CACNA1C: variants seen among roughly 807,000 people sequenced by gnomAD.
The protein encoded by CACNA1C is voltage-dependent L-type calcium channel subunit alpha-1C.
CACNA1C carries 30 observed loss-of-function variants against 229.0 expected under a neutral mutation model. The observed-to-expected ratio is 0.13, with a 90% CI of 0.10 to 0.18. The LOEUF is 0.18. CACNA1C is among the 10% of genes least tolerant of loss of function. CACNA1C has a pLI of 1.00. For synonymous variants in CACNA1C, 1,114 were observed against 1,132.5 expected (o/e 0.98, Z 0.33); for missense variants, 1,658 against 2,845.0 (o/e 0.58, Z 9.49).
At position 2,646,789 on chromosome 12, in the gene CACNA1C, A is replaced by AGAGAGAGT. The variant is rs552049239; in HGVS notation, c.3913-1685_3913-1684insAGAGAGTG. Among the ~76,000 whole-genome samples the AGAGAGAGT allele has an allele frequency of 2.3e-5, 3 of 131,874 alleles. No individual in the cohort carries two copies. Among genetic ancestry groups the AGAGAGAGT allele is most frequent in the African/African-American group, 9.4e-5 (3 of 31,910 alleles). 86.5% of individuals were successfully genotyped at this position (131,874 alleles called of 152,430 possible). A position where few individuals can be genotyped will look rare whatever the true frequency, so the allele number is the denominator to read the frequency against. On this transcript the variant is annotated intron_variant, in intron 30 of 46. Transcript: ENST00000399655. The surrounding 1 kb of genome is among the most constrained non-coding windows in gnomAD (Gnocchi z 4.6). ...GAGAAAGAGAGAGAGAGAGAGAGAG[A>AGAGAGAGT]GTGTGTGTGTGCGCGTGTGTGTGTC...
intron 3 of CACNA1C, among the ~76,000 whole-genome samples, chr12:2,390,140 A>T (rs942574734): frequency 2.0e-5 from 3 of 152,098 alleles, no homozygotes; most frequent in Non-Finnish European, 4.4e-5. Flanking sequence ...CTTCTTTAAG[A>T]TTTCTATATA....
At chr12:2,569,517 T>A (rs1324904240) in intron 13 of CACNA1C, among the ~76,000 whole-genome samples, 1 of 152,204 alleles carries the variant, frequency 6.6e-6, no homozygotes, top group African/African-American at 2.4e-5. Flanking sequence ...GTTGCCTATT[T>A]TGGACCATTC....
At chr12:1,983,979 T>C (rs978403551) in intron 1 of CACNA1C, among the ~76,000 whole-genome samples, 10 of 152,250 alleles carry the variant, frequency 6.6e-5, no homozygotes, top group South Asian at 6.2e-4. Flanking sequence ...CATTATGCAA[T>C]GTCGTTTTTT....
At chr12:2,322,377 T>C (rs577543817) in intron 3 of CACNA1C, among the ~76,000 whole-genome samples, 193 of 152,328 alleles carry the variant, frequency 1.3e-3, no homozygotes, top group Middle Eastern at 3.4e-3. Flanking sequence ...GCCCAGCACA[T>C]TGACTCTGGA....
At chr12:2,416,379 AAGGAAGGAGGG>A (rs1363507433) in intron 3 of CACNA1C, among the ~76,000 whole-genome samples, 1 of 152,060 alleles carries the variant, frequency 6.6e-6, no homozygotes, top group East Asian at 1.9e-4. Context: ...GGAAGGAGGG[AAGGAAGGAGGG>A]AGGAAAAGAG....
At chr12:2,303,058 G>A (rs2094701269) in intron 3 of CACNA1C, among the ~76,000 whole-genome samples, 1 of 152,270 alleles carries the variant, frequency 6.6e-6, no homozygotes, top group Non-Finnish European at 1.5e-5. Flanking sequence ...ACGGAGGCGG[G>A]AAACCGGCCG....
At chr12:2,025,116 C>T (rs2047087594) in intron 1 of CACNA1C, among the ~76,000 whole-genome samples, 1 of 152,210 alleles carries the variant, frequency 6.6e-6, no homozygotes, top group South Asian at 2.1e-4. Context: ...GTGCTGCTCT[C>T]AGTTCCCTTA....
intron 3 of CACNA1C, among the ~76,000 whole-genome samples, chr12:2,171,413 C>T (rs901137865): frequency 3.3e-5 from 5 of 152,048 alleles, no homozygotes; most frequent in Non-Finnish European, 4.4e-5. Context: ...TCTCCACGTG[C>T]GAGGAGGGAT....
chr12:2,555,619 C>T (rs186238548), intron 10 of CACNA1C, among the ~76,000 whole-genome samples: 1 of 152,290 alleles, frequency 6.6e-6, no homozygotes, highest in Non-Finnish European at 1.5e-5. Flanking sequence ...GCTCCCAGTC[C>T]CCCTCCCACA....
rs551396698 is a variant in CACNA1C, at chr12:2,115,275, C to A, written c.101C>A (p.Ala34Glu). The A allele has an allele frequency of 6.3e-7, 1 of 1,590,512 alleles. No individual in the cohort carries two copies. The highest frequency in any genetic ancestry group is 1.3e-5 in the African/African-American group (1 of 74,466). ...RPAHANMNAN[A>E]AAGLAPEHIP... is the part of the protein sequence containing the mutation. ...GCCCATGCCAACATGAATGCCAATG[C>A]GGCAGCGGGGCTGGCCCCTGAGCAC... The change falls in exon 2 of 47, where the codon GCG becomes GAG. Residue 34 changes from alanine to glutamate, a missense_variant. Physicochemically the swap from Ala to Glu is moderately radical, Grantham distance 107. Around this residue, in one of 20 missense-constraint regions of CACNA1C, gnomAD observed 111 missense variants for 128.0 expected, o/e 0.87. Transcript: ENST00000399655.
chr12:2,491,298 GT>G (rs1201970644), intron 6 of CACNA1C, among the ~76,000 whole-genome samples: 2 of 152,090 alleles, frequency 1.3e-5, no homozygotes, highest in African/African-American at 2.4e-5. Flanking sequence ...ATGGATTGTG[GT>G]TATGGCTGCA....
rs2098795874 is a variant in CACNA1C, at chr12:2,410,623, G to C, written c.478-38353G>C. On this transcript the variant is annotated intron_variant, in intron 3 of 46. Coordinates refer to ENST00000399655, the MANE Select transcript of CACNA1C (RefSeq NM_000719.7). This position sits in a 1 kb window ranked among gnomAD's most constrained non-coding sequence, Gnocchi z 5.3. ...GGAGCTGACTCTAGCTGTGAGGATG[G>C]CTCGCCTGTGTGTGTGTGTGTGTGC... 6.6e-6 allele frequency among the ~76,000 whole-genome samples: 1 copy of C among 150,514 alleles called. No individual in the cohort carries two copies.
chr12:2,047,234 G>A (rs755799104), intron 1 of CACNA1C, among the ~76,000 whole-genome samples: 2 of 152,192 alleles, frequency 1.3e-5, no homozygotes, highest in African/African-American at 4.8e-5. Context: ...TCTTTGGCAG[G>A]GCTGTGGTGA....
chr12:2,239,406 T>A (rs1418692901), intron 3 of CACNA1C, among the ~76,000 whole-genome samples: 2 of 151,668 alleles, frequency 1.3e-5, no homozygotes, highest in African/African-American at 4.8e-5. Flanking sequence ...GAGACACAGC[T>A]GGGGCACTGC....
chr12:2,352,465 A>G (rs1414796156), intron 3 of CACNA1C, among the ~76,000 whole-genome samples: 1 of 152,244 alleles, frequency 6.6e-6, no homozygotes, highest in Non-Finnish European at 1.5e-5. Flanking sequence ...GAAGACCTTC[A>G]CAAGACATGC....
intron 3 of CACNA1C, among the ~76,000 whole-genome samples, chr12:2,399,707 A>C (rs2098649184): frequency 6.6e-6 from 1 of 152,236 alleles, no homozygotes; most frequent in South Asian, 2.1e-4. Context: ...GCAGGAAAAC[A>C]GGGATGTGAA....
At chr12:2,187,971 G>A (rs2097096590) in intron 3 of CACNA1C, among the ~76,000 whole-genome samples, 2 of 152,220 alleles carry the variant, frequency 1.3e-5, no homozygotes, top group African/African-American at 4.8e-5. Context: ...GCCACAGGTT[G>A]GGAGCTGCCT....
chr12:2,125,278 A>G (rs1186738014), intron 3 of CACNA1C, among the ~76,000 whole-genome samples: 2 of 53,946 alleles, frequency 3.7e-5, no homozygotes, highest in African/African-American at 1.3e-4. Flanking sequence ...GATTGGCCTG[A>G]CTGAGAAGAG....
chr12:2,311,521 C>T (rs561613027), intron 3 of CACNA1C, among the ~76,000 whole-genome samples: 27 of 152,238 alleles, frequency 1.8e-4, no homozygotes, highest in African/African-American at 5.8e-4. Context: ...TTCCACAGTC[C>T]CAACCTGAGA....
Sources: gnomAD v4.1 joint callset for allele counts (sites outside exome capture counted in the v4.1 genomes callset) on GRCh38, gnomAD v4.1.1 for gene constraint, gnomAD v4.1.1 regional missense constraint, Gnocchi (gnomAD v3.1) non-coding constraint, MANE v1.5 for transcripts, NCBI Gene and HGNC (gene_info 2026-07-23, HGNC 2026-07-21) for gene names.